Variants in METTL16 observed in about 807,000 individuals in gnomAD.
METTL16 encodes the protein methyltransferase 16, RNA N6-adenosine, also known as RNA N(6)-adenosine-methyltransferase METTL16.
Under a neutral mutation model 57.9 loss-of-function variants are expected in METTL16, and 19 were observed. The ratio of observed to expected loss-of-function variants is 0.33; its 90% CI spans 0.23 to 0.48. The LOEUF (loss-of-function observed/expected upper bound fraction) is 0.48, where lower values mean the gene tolerates loss of function less well. Among genes scored for constraint, METTL16 ranks in the 20% least tolerant of loss-of-function variants. The pLI, the probability that METTL16 is intolerant of heterozygous loss-of-function variation, is 0.99. For missense variants in METTL16, 434 were observed against 691.5 expected (o/e 0.63, Z 4.18); for synonymous variants, 246 against 255.6 (o/e 0.96, Z 0.36).
At chr17:2,428,399 T>TGTG (rs2066835572) in intron 8 of METTL16, among the ~76,000 whole-genome samples, 1 of 151,368 alleles carries the variant, frequency 6.6e-6, no homozygotes, top group African/African-American at 2.4e-5. Context: ...GGCGGTTAAC[T>TGTG]GTGCCTCAGT....
rs1033021898 is a variant in METTL16 at position 2,510,572 on chromosome 17, C to A, written c.-1+1187G>T. On this transcript the variant is annotated intron_variant, in intron 1 of 9. Coordinates refer to ENST00000263092, the MANE Select transcript of METTL16 (RefSeq NM_024086.4). ...AGAACAGATACAGAATGAGTAAATA[C>A]AACCACTTCTTTTCTAACTAACCTC... is the stretch of plus-strand genomic sequence containing the variant. Among the ~76,000 whole-genome samples the A allele has an allele frequency of 5.3e-5, 8 of 152,178 alleles. No individual in the cohort carries two copies. The East Asian group carries it at 1.3e-3, about 26-fold the overall frequency.
intron 7 of METTL16, among the ~76,000 whole-genome samples, chr17:2,439,677 G>A (rs982136582): frequency 6.6e-6 from 1 of 152,272 alleles, no homozygotes; most frequent in African/African-American, 2.4e-5. Flanking sequence ...TGTGAGGTCA[G>A]TGGTAGATAC....
chr17:2,485,507 C>A (rs148015152), intron 2 of METTL16, among the ~76,000 whole-genome samples: 1 of 152,268 alleles, frequency 6.6e-6, no homozygotes, highest in East Asian at 1.9e-4. Flanking sequence ...CTGCTCTACT[C>A]AATTGTAAAC....
At chr17:2,495,748 C>T (rs1006402775) in intron 2 of METTL16, among the ~76,000 whole-genome samples, 11 of 149,736 alleles carry the variant, frequency 7.3e-5, no homozygotes, top group Non-Finnish European at 1.5e-4. Flanking sequence ...GTGAGTCTGA[C>T]GGGCTCAAGA....
Position 2,420,252 on chromosome 17 carries a change from C to T in METTL16, c.1407G>A (p.Glu469=). The part of the protein sequence containing the change: ...NPEPTEDERS[E]EKGGVEVLES... ...CCAAAACCTCCACCCCTCCCTTTTC[C>T]TCACTCCTTTCATCCTCCGTGGGTT... The change falls in exon 10 of 10, where the codon GAG becomes GAA. Residue 469 remains glutamate, a synonymous_variant. Transcript: ENST00000263092. The surrounding 1 kb of genome is among the most constrained non-coding windows in gnomAD (Gnocchi z 5.4). 6.2e-7 allele frequency: 1 copy of T among 1,614,164 alleles called. No individual in the cohort carries two copies. The highest frequency in any genetic ancestry group is 8.5e-7 in the Non-Finnish European group (1 of 1,180,042).
intron 6 of METTL16, 105 bp from the exon 7 acceptor site, chr17:2,441,664 G>C (rs767393814): frequency 6.8e-6 from 4 of 584,446 alleles, no homozygotes; most frequent in Non-Finnish European, 1.1e-5. Context: ...AACAAACATT[G>C]AGTAAGGTCA....
At chr17:2,481,271 C>T (rs968484456) in intron 2 of METTL16, among the ~76,000 whole-genome samples, 2 of 148,494 alleles carry the variant, frequency 1.3e-5, no homozygotes, top group African/African-American at 4.9e-5. Context: ...TCACAACGTA[C>T]TTCCCCACAA....
At chr17:2,465,782 C>T (rs2067189974) in intron 5 of METTL16, among the ~76,000 whole-genome samples, 1 of 151,922 alleles carries the variant, frequency 6.6e-6, no homozygotes, top group African/African-American at 2.4e-5. Flanking sequence ...ATGAGAATCA[C>T]TTGAACCTAG....
chr17:2,419,661 T>C lies in METTL16; in HGVS notation c.*309A>G, dbSNP rs1231567122. On this transcript the variant is annotated 3_prime_UTR_variant, in exon 10 of 10. Coordinates refer to ENST00000263092, the MANE Select transcript of METTL16 (RefSeq NM_024086.4). ...GACTCCACAAACAACCCTTCTGACC[T>C]TGCAGAGGCAGTCCAGAGCTGAGGG... The C allele has an allele frequency of 1.8e-6, 1 of 558,366 alleles. No homozygotes were observed. The highest frequency in any genetic ancestry group is 4.3e-5 in the East Asian group (1 of 23,060). 34.6% of individuals were successfully genotyped at this position (558,366 alleles called of 1,614,324 possible). A position where few individuals can be genotyped will look rare whatever the true frequency, so the allele number is the denominator to read the frequency against.
intron 6 of METTL16, among the ~76,000 whole-genome samples, chr17:2,446,199 A>G (rs991938945): frequency 6.6e-6 from 1 of 152,232 alleles, no homozygotes; most frequent in Non-Finnish European, 1.5e-5. Context: ...CAACATCATC[A>G]TGGTCAAAGT....
intron 8 of METTL16, among the ~76,000 whole-genome samples, chr17:2,427,696 G>A (rs1050102203): frequency 2.0e-5 from 3 of 152,038 alleles, no homozygotes; most frequent in African/African-American, 7.2e-5. Flanking sequence ...CCCCGCCTCA[G>A]CCTCCTGAGT....
intron 6 of METTL16, among the ~76,000 whole-genome samples, chr17:2,442,598 T>C (rs1324620891): frequency 6.6e-6 from 1 of 151,864 alleles, no homozygotes; most frequent in Non-Finnish European, 1.5e-5. Context: ...CAAATTTTCT[T>C]GAAGTCAAGA....
At chr17:2,424,087 C>G (rs1466225129) in intron 8 of METTL16, 1 of 136,806 alleles carries the variant, frequency 7.3e-6, no homozygotes, top group African/African-American at 2.7e-5. Context: ...AAAAATTTTC[C>G]TTTTATTTTA....
chr17:2,437,070 C>T (rs554382806), intron 8 of METTL16, among the ~76,000 whole-genome samples: 120 of 152,064 alleles, frequency 7.9e-4, no homozygotes, highest in Non-Finnish European at 1.4e-3. Context: ...TTTGTAGAGA[C>T]GGGGTTTCAC....
chr17:2,466,619 G>T (rs575487126), intron 5 of METTL16, among the ~76,000 whole-genome samples: 1 of 152,242 alleles, frequency 6.6e-6, no homozygotes, highest in African/African-American at 2.4e-5. Context: ...AAAATCCAAG[G>T]AAGCTCAAGT....
chr17:2,499,641 A>G (rs1488570189), intron 2 of METTL16, among the ~76,000 whole-genome samples: 1 of 152,192 alleles, frequency 6.6e-6, no homozygotes, highest in Non-Finnish European at 1.5e-5. Context: ...CAAAGAAAAT[A>G]CCTGAAGTCC....
At chr17:2,494,464 G>A (rs1439582440) in intron 2 of METTL16, among the ~76,000 whole-genome samples, 1 of 152,128 alleles carries the variant, frequency 6.6e-6, no homozygotes, top group Non-Finnish European at 1.5e-5. Flanking sequence ...CTAATAGCAC[G>A]TGCCCACTTT....
chr17:2,507,513 GC>G (rs1206743836), intron 1 of METTL16, among the ~76,000 whole-genome samples: 2 of 148,926 alleles, frequency 1.3e-5, no homozygotes, highest in South Asian at 2.1e-4. Flanking sequence ...GGGGGGGTCA[GC>G]CCCCCGCCCG....
At chr17:2,438,056 T>C (rs7215857) in intron 8 of METTL16, 53 bp downstream of exon 8, 220,707 of 1,318,466 alleles carry the variant, frequency 0.17, 28,772 homozygotes, top group African/African-American at 0.65. Flanking sequence ...TATGATGGAC[T>C]GAAACCCACC....
Sources: allele counts gnomAD v4.1 joint callset (sites outside exome capture counted in the v4.1 genomes callset), GRCh38; gene constraint gnomAD v4.1.1; non-coding constraint Gnocchi (gnomAD v3.1); transcripts MANE v1.5; gene names NCBI Gene and HGNC (gene_info 2026-07-23, HGNC 2026-07-21).